Variants in SEMA3A observed in about 807,000 individuals in gnomAD.
The protein encoded by SEMA3A is semaphorin 3A, also known as semaphorin-3A.
A neutral mutation model predicts 97.9 loss-of-function variants in SEMA3A; 29 were observed. The ratio of observed to expected loss-of-function variants is 0.30; its 90% CI spans 0.22 to 0.40. SEMA3A has a LOEUF of 0.40. Among genes scored for constraint, SEMA3A ranks in the 10% least tolerant of loss-of-function variants. SEMA3A has a pLI of 1.00. For missense variants in SEMA3A, 763 were observed against 951.3 expected (o/e 0.80, Z 2.60); for synonymous variants, 321 against 323.7 (o/e 0.99, Z 0.09).
chr7:84,094,494 T>C (rs1275768274), intron 4 of SEMA3A, among the ~76,000 whole-genome samples: 46 of 152,142 alleles, frequency 3.0e-4, no homozygotes, highest in Non-Finnish European at 5.9e-5. Context: ...TATCTACTTG[T>C]ATTCTAGAGC....
intron 1 of SEMA3A, among the ~76,000 whole-genome samples, chr7:84,482,611 C>T (rs994062464): frequency 3.9e-5 from 6 of 152,128 alleles, no homozygotes; most frequent in African/African-American, 1.2e-4. Flanking sequence ...CACTGCCTCC[C>T]TATAGAACAG....
At chr7:84,055,359 C>T (rs1792917358) in intron 5 of SEMA3A, among the ~76,000 whole-genome samples, 1 of 152,188 alleles carries the variant, frequency 6.6e-6, no homozygotes, top group African/African-American at 2.4e-5. Context: ...CAGCGAGACT[C>T]CGTGGGCGTA....
intron 12 of SEMA3A, among the ~76,000 whole-genome samples, chr7:83,997,510 T>G (rs924279535): frequency 1.3e-5 from 2 of 152,178 alleles, no homozygotes; most frequent in Non-Finnish European, 2.9e-5. Flanking sequence ...AAGTAAATAT[T>G]TCTCTAAACT....
chr7:84,054,450 C>A (rs1009626168), intron 5 of SEMA3A, among the ~76,000 whole-genome samples: 10 of 150,818 alleles, frequency 6.6e-5, no homozygotes, highest in Non-Finnish European at 1.3e-4. Flanking sequence ...CTTCTCGCTT[C>A]ATTTCATCTT....
chr7:83,964,720 G>A (rs1788602754), intron 15 of SEMA3A, among the ~76,000 whole-genome samples: 2 of 152,076 alleles, frequency 1.3e-5, no homozygotes, highest in South Asian at 2.1e-4. Context: ...AAAGATCAAT[G>A]CCCTGGAAAT....
chr7:84,209,737 C>T (rs908863346), intron 3 of SEMA3A, among the ~76,000 whole-genome samples: 17 of 152,006 alleles, frequency 1.1e-4, no homozygotes, highest in African/African-American at 3.9e-4. Flanking sequence ...TAATACTCTG[C>T]CATTCAAACT....
intron 2 of SEMA3A, among the ~76,000 whole-genome samples, chr7:84,318,243 T>C (rs1475049791): frequency 6.6e-6 from 1 of 152,022 alleles, no homozygotes; most frequent in Non-Finnish European, 1.5e-5. Context: ...TGATGATAAT[T>C]TTGAAACACA....
chr7:84,158,240 C>T (rs1303002458), intron 1 of SEMA3A, among the ~76,000 whole-genome samples: 1 of 149,432 alleles, frequency 6.7e-6, no homozygotes, highest in Admixed American at 6.7e-5. Context: ...CTGCAACCTC[C>T]GCCTCCCAGG....
intron 1 of SEMA3A, among the ~76,000 whole-genome samples, chr7:84,459,982 G>A (rs1387706915): frequency 6.6e-6 from 1 of 152,136 alleles, no homozygotes; most frequent in Non-Finnish European, 1.5e-5. Flanking sequence ...AGCTGAGATA[G>A]CATCACTGCA....
intron 1 of SEMA3A, among the ~76,000 whole-genome samples, chr7:84,152,873 T>A (rs1740863011): frequency 6.6e-6 from 1 of 152,078 alleles, no homozygotes; most frequent in African/African-American, 2.4e-5. Flanking sequence ...GCTATTGCAT[T>A]TAAACGTAAA....
At chr7:84,321,514 T>G (rs1047319008) in intron 2 of SEMA3A, among the ~76,000 whole-genome samples, 2 of 152,120 alleles carry the variant, frequency 1.3e-5, no homozygotes, top group African/African-American at 4.8e-5. Context: ...TAACCAGTTA[T>G]GTGACCTTAA....
chr7:84,059,765 A>C (rs568553086), intron 5 of SEMA3A, among the ~76,000 whole-genome samples: 1 of 152,090 alleles, frequency 6.6e-6, no homozygotes, highest in African/African-American at 2.4e-5. Context: ...TCAAAATTTA[A>C]AAAATAAAAA....
chr7:84,192,238 G>T (rs1252150187), intron 1 of SEMA3A, among the ~76,000 whole-genome samples: 1 of 151,874 alleles, frequency 6.6e-6, no homozygotes, highest in Non-Finnish European at 1.5e-5. Flanking sequence ...AATCTCTATT[G>T]TACTTTAGAA....
At chr7:84,377,676 G>T (rs1369975954) in intron 1 of SEMA3A, among the ~76,000 whole-genome samples, 1 of 152,110 alleles carries the variant, frequency 6.6e-6, no homozygotes, top group Non-Finnish European at 1.5e-5. Flanking sequence ...AATATTAAGT[G>T]GCATTGCTGG....
In SEMA3A at chr7:83,956,746, T is replaced by G. The variant is rs1215228188; in HGVS notation, c.*4625A>C. 6.6e-6 allele frequency: 1 copy of G among 152,138 alleles called. No individual in the cohort carries two copies. Among genetic ancestry groups the G allele is most frequent in the Non-Finnish European group, 1.5e-5 (1 of 68,000 alleles). The allele number at this position is 152,138 out of a possible 1,614,324, so 9.4% of individuals were successfully genotyped here. A position where few individuals can be genotyped will look rare whatever the true frequency, so the allele number is the denominator to read the frequency against. On this transcript the variant is annotated 3_prime_UTR_variant, in exon 17 of 17. Coordinates refer to ENST00000265362, the MANE Select transcript of SEMA3A (RefSeq NM_006080.3). ...ACCTGTGTTTTATCTGTTTGAATGC[T>G]TGTTCTCAGAAAAAGGACTTTTTTT...
At chr7:84,370,488 TA>T (rs1181004638) in intron 2 of SEMA3A, among the ~76,000 whole-genome samples, 1 of 151,700 alleles carries the variant, frequency 6.6e-6, no homozygotes, top group Non-Finnish European at 1.5e-5. Context: ...TAATTTCGTG[TA>T]AAAGTTAGAT....
rs149503104 is a variant in SEMA3A, at chr7:84,431,930, TTCTC to T, written c.-245-60034_-245-60031del. ...ACTGAACACAGAAGAAAAAACGACTTTCTCCCTCTGGTGAGTTCAGGGCAGGTTA... is the reference window on the plus strand; with the variant it reads ...ACTGAACACAGAAGAAAAAACGACTTCCTCTGGTGAGTTCAGGGCAGGTTA... On this transcript the variant is annotated intron_variant, in intron 1 of 3. Coordinates refer to the SEMA3A transcript ENST00000424555. Among the ~76,000 whole-genome samples, 1,006 of 152,166 alleles carry T rather than the reference TTCTC, an allele frequency of 6.6e-3. 40 individuals are homozygous for T. The highest frequency in any genetic ancestry group is 0.05 in the Admixed American group (764 of 15,266).
intron 3 of SEMA3A, among the ~76,000 whole-genome samples, chr7:84,223,510 T>C (rs1356956613): frequency 6.6e-6 from 1 of 151,856 alleles, no homozygotes; most frequent in African/African-American, 2.4e-5. Flanking sequence ...ACAAACTTAC[T>C]TGATGAGATT....
At chr7:84,064,895 G>A (rs967327968) in intron 4 of SEMA3A, among the ~76,000 whole-genome samples, 39 of 152,270 alleles carry the variant, frequency 2.6e-4, no homozygotes, top group African/African-American at 8.9e-4. Context: ...CCCAGGAATT[G>A]AACTCAGCTC....
Sources: gnomAD v4.1 joint callset for allele counts (sites outside exome capture counted in the v4.1 genomes callset) on GRCh38, gnomAD v4.1.1 for gene constraint, MANE v1.5 for transcripts, NCBI Gene and HGNC (gene_info 2026-07-23, HGNC 2026-07-21) for gene names.